The following ESRRG variants were observed in gnomAD, a reference collection of about 807,000 sequenced individuals.
The protein encoded by ESRRG is estrogen related receptor gamma.
In ESRRG, 13 loss-of-function variants were observed where a neutral mutation model predicts 44.0. That is an observed-to-expected ratio of 0.30 (90% CI 0.19 to 0.47). The LOEUF is 0.47. Ranked by LOEUF, ESRRG falls within the 20% of genes least tolerant of loss-of-function variation. The pLI is 1.00. For missense variants in ESRRG, 395 were observed against 580.6 expected, an observed-to-expected ratio of 0.68 and a Z score of 3.29; for synonymous variants, 215 against 214.6, an observed-to-expected ratio of 1.00 and a Z score of -0.02.
chr1:216,546,207 C>T (rs993903178), intron 5 of ESRRG, among the ~76,000 whole-genome samples: 5 of 152,038 alleles, frequency 3.3e-5, no homozygotes, highest in Non-Finnish European at 7.4e-5. Context: ...AAAATATTGT[C>T]AGACATTACC....
intron 2 of ESRRG, among the ~76,000 whole-genome samples, chr1:216,658,594 G>A (rs1183861205): frequency 6.6e-6 from 1 of 151,448 alleles, no homozygotes; most frequent in African/African-American, 2.4e-5. Flanking sequence ...GCCGAGGCAG[G>A]TGGATCACCT....
intron 5 of ESRRG, among the ~76,000 whole-genome samples, chr1:216,534,249 C>T (rs972963128): frequency 1.3e-5 from 2 of 152,100 alleles, no homozygotes; most frequent in Non-Finnish European, 2.9e-5. Context: ...CCCCAGTGAA[C>T]ATCTCATTTA....
intron 1 of ESRRG, among the ~76,000 whole-genome samples, chr1:216,947,694 T>C (rs1029691976): frequency 6.6e-6 from 1 of 152,226 alleles, no homozygotes; most frequent in Non-Finnish European, 1.5e-5. Flanking sequence ...TGTTTCCTTC[T>C]TAGCAAATAA....
At chr1:217,015,797 T>C (rs2079280116) in intron 1 of ESRRG, among the ~76,000 whole-genome samples, 1 of 151,188 alleles carries the variant, frequency 6.6e-6, no homozygotes, top group African/African-American at 2.4e-5. Flanking sequence ...TGGCATGATC[T>C]TGGCTCACTG....
chr1:216,977,341 T>TATATACACACACAC (rs146010546), intron 1 of ESRRG, among the ~76,000 whole-genome samples: 2 of 144,000 alleles, frequency 1.4e-5, no homozygotes, highest in African/African-American at 5.2e-5. Flanking sequence ...GGAGGATACA[T>TATATACACACACAC]ACACACACAC....
chr1:216,898,356 G>T (rs1216835942), intron 2 of ESRRG, among the ~76,000 whole-genome samples: 1 of 152,116 alleles, frequency 6.6e-6, no homozygotes, highest in African/African-American at 2.4e-5. Context: ...GGTGGCTCAC[G>T]CCTGTAATCC....
intron 1 of ESRRG, among the ~76,000 whole-genome samples, chr1:217,075,592 C>CCA (rs1553275038): frequency 6.8e-6 from 1 of 147,624 alleles, no homozygotes; most frequent in East Asian, 2.2e-4. Context: ...GCTCCTTTCC[C>CCA]CCCCCCAACA....
intron 1 of ESRRG, among the ~76,000 whole-genome samples, chr1:216,987,958 A>C (rs1194777763): frequency 6.6e-6 from 1 of 151,924 alleles, no homozygotes. Context: ...GCAAGACTGA[A>C]CTCCAGTTAT....
At chr1:217,061,062 T>C (rs906071592) in intron 1 of ESRRG, among the ~76,000 whole-genome samples, 1 of 152,066 alleles carries the variant, frequency 6.6e-6, no homozygotes, top group South Asian at 2.1e-4. Flanking sequence ...GGATTTGTGC[T>C]TTTTTCCCCC....
intron 4 of ESRRG, among the ~76,000 whole-genome samples, chr1:216,567,235 C>G (rs1351445096): frequency 6.6e-6 from 1 of 152,186 alleles, no homozygotes; most frequent in Non-Finnish European, 1.5e-5. Context: ...TGTTGCACTA[C>G]AACTATTAAC....
At chr1:216,570,916 A>G (rs1489520192) in intron 3 of ESRRG, among the ~76,000 whole-genome samples, 1 of 152,244 alleles carries the variant, frequency 6.6e-6, no homozygotes, top group Non-Finnish European at 1.5e-5. Context: ...TGAACAAAAC[A>G]CTACATATTC....
chr1:217,074,196 C>T (rs1458093597), intron 1 of ESRRG, among the ~76,000 whole-genome samples: 2 of 151,820 alleles, frequency 1.3e-5, no homozygotes, highest in African/African-American at 2.4e-5. Flanking sequence ...TACAGGTGCC[C>T]ACCACCGTGC....
chr1:216,667,248 GTA>G (rs2074132836), intron 2 of ESRRG, among the ~76,000 whole-genome samples: 3 of 152,182 alleles, frequency 2.0e-5, no homozygotes, highest in Admixed American at 2.0e-4. Context: ...CTTTGATTAA[GTA>G]TGCGTGTGTA....
chr1:216,682,680 T>C (rs1287920889), intron 1 of ESRRG, among the ~76,000 whole-genome samples: 1 of 145,766 alleles, frequency 6.9e-6, no homozygotes, highest in Non-Finnish European at 1.5e-5. Context: ...ATTTGTGTTT[T>C]AAAAAATAAA....
intron 3 of ESRRG, among the ~76,000 whole-genome samples, chr1:216,620,124 C>T (rs1244585033): frequency 6.6e-6 from 1 of 152,088 alleles, no homozygotes; most frequent in Non-Finnish European, 1.5e-5. Flanking sequence ...TTTTTTAAGT[C>T]CAGGCTCAGA....
chr1:217,025,832 C>A (rs2081095884), intron 1 of ESRRG, among the ~76,000 whole-genome samples: 1 of 152,176 alleles, frequency 6.6e-6, no homozygotes, highest in South Asian at 2.1e-4. Context: ...TGGAAAATAT[C>A]TAACATATGG....
intron 2 of ESRRG, among the ~76,000 whole-genome samples, chr1:216,738,876 T>C (rs2090313694): frequency 6.6e-6 from 1 of 152,168 alleles, no homozygotes; most frequent in East Asian, 1.9e-4. Context: ...TCTCACTCTG[T>C]CACCCAGGCC....
chr1:216,519,441 G>A lies in ESRRG; in HGVS notation c.863-20C>T, dbSNP rs193083118. 108 of 1,586,844 alleles carry A rather than the reference G, an allele frequency of 6.8e-5. No homozygotes were observed. In the East Asian group the frequency reaches 2.3e-3, roughly 34 times the overall value. On this transcript the variant is annotated intron_variant, in intron 5 of 6. Transcript: ENST00000408911. ...AGAAGCCTGCATGGAAAGATGGGCA[G>A]ATCAAGTTACTTTAAAGCCATAATT... is the stretch of plus-strand genomic sequence containing the variant.
intron 2 of ESRRG, among the ~76,000 whole-genome samples, chr1:216,930,292 C>T (rs1359535375): frequency 1.3e-5 from 2 of 152,166 alleles, no homozygotes; most frequent in Non-Finnish European, 2.9e-5. Flanking sequence ...GAACATGGCT[C>T]ATTACCAATT....
Sources: gnomAD v4.1 joint callset for allele counts (sites outside exome capture counted in the v4.1 genomes callset) on GRCh38, gnomAD v4.1.1 for gene constraint, MANE v1.5 for transcripts, NCBI Gene and HGNC (gene_info 2026-07-23, HGNC 2026-07-21) for gene names.